PTPRM: variants seen among roughly 807,000 people sequenced by gnomAD.
The protein encoded by PTPRM is protein tyrosine phosphatase receptor type M.
PTPRM carries 47 observed loss-of-function variants against 186.7 expected under a neutral mutation model. The observed-to-expected ratio is 0.25, with a 90% CI of 0.20 to 0.32. The LOEUF (loss-of-function observed/expected upper bound fraction) is 0.32. PTPRM is among the 10% of genes least tolerant of loss of function. The pLI, the probability that PTPRM is intolerant of heterozygous loss-of-function variation, is 1.00. For synonymous variants in PTPRM, 668 were observed against 674.9 expected (o/e 0.99, Z 0.16); for missense variants, 1,494 against 1,865.0 (o/e 0.80, Z 3.66).
intron 14 of PTPRM, among the ~76,000 whole-genome samples, chr18:8,166,892 A>G (rs764220620): frequency 1.4e-4 from 21 of 152,214 alleles, no homozygotes; most frequent in Non-Finnish European, 3.1e-4. Flanking sequence ...AAATAGACCT[A>G]GGCAAAGATA....
chr18:8,353,327 G>A (rs891598484), intron 23 of PTPRM, among the ~76,000 whole-genome samples: 1 of 152,192 alleles, frequency 6.6e-6, no homozygotes, highest in Non-Finnish European at 1.5e-5. Context: ...TTAATGGAAG[G>A]CATTGAGGTA....
chr18:8,169,052 T>C (rs1206024368), intron 14 of PTPRM, among the ~76,000 whole-genome samples: 3 of 152,176 alleles, frequency 2.0e-5, no homozygotes, highest in Non-Finnish European at 4.4e-5. Flanking sequence ...TCTCTATAAA[T>C]ATCTTATCAC....
chr18:8,095,730 G>A (rs1261915100), intron 11 of PTPRM, among the ~76,000 whole-genome samples: 1 of 152,016 alleles, frequency 6.6e-6, no homozygotes, highest in East Asian at 1.9e-4. Context: ...GCCAGATGCT[G>A]ATTTTCATTA....
intron 2 of PTPRM, among the ~76,000 whole-genome samples, chr18:7,793,841 T>A (rs1424154730): frequency 6.6e-6 from 1 of 151,940 alleles, no homozygotes; most frequent in Non-Finnish European, 1.5e-5. Context: ...CCCCGAGACC[T>A]TTGCAGGCAG....
At chr18:7,843,381 AG>A (rs2046444347) in intron 2 of PTPRM, among the ~76,000 whole-genome samples, 1 of 152,198 alleles carries the variant, frequency 6.6e-6, no homozygotes, top group African/African-American at 2.4e-5. Flanking sequence ...TCACTATTAC[AG>A]GGGACCACAG....
rs1335048725 is a variant in PTPRM, at chr18:7,742,590, G to A, written c.74-31559G>A. The stretch of plus-strand genomic sequence containing the variant: ...ACAGTGGTTCACTCTTGTAATCCCA[G>A]CGCTTTGGCAGGCTGAGGTGGGAGG... On this transcript the variant is annotated intron_variant, in intron 1 of 32. Transcript: ENST00000580170. Among the ~76,000 whole-genome samples the A allele has an allele frequency of 2.6e-5, 4 of 152,316 alleles. 1 individual carries two copies. In the South Asian group the frequency reaches 8.3e-4, roughly 32 times the overall value.
At chr18:7,709,893 G>A (rs1293897207) in intron 1 of PTPRM, among the ~76,000 whole-genome samples, 4 of 152,066 alleles carry the variant, frequency 2.6e-5, no homozygotes, top group Non-Finnish European at 4.4e-5. Flanking sequence ...CAAGCAGTGA[G>A]AGTAAATCAG....
At chr18:8,199,643 A>G (rs1348810728) in intron 14 of PTPRM, among the ~76,000 whole-genome samples, 1 of 152,248 alleles carries the variant, frequency 6.6e-6, no homozygotes, top group Non-Finnish European at 1.5e-5. Context: ...TTTAAGTAAT[A>G]CATCACAGGG....
chr18:8,226,548 AG>A (rs1200224182), intron 14 of PTPRM, among the ~76,000 whole-genome samples: 1 of 152,240 alleles, frequency 6.6e-6, no homozygotes, highest in East Asian at 1.9e-4. Context: ...AAGAAAATGT[AG>A]GCCCTTGTTG....
intron 7 of PTPRM, among the ~76,000 whole-genome samples, chr18:8,006,695 G>T (rs990330546): frequency 3.3e-5 from 5 of 152,126 alleles, no homozygotes; most frequent in Non-Finnish European, 2.9e-5. Flanking sequence ...TGGTGTGCTG[G>T]GTCCCTGACA....
chr18:7,625,827 G>A lies in PTPRM; in HGVS notation c.73+57936G>A, dbSNP rs1172986087. ...TGGGATTACAGGCGTGAGCAACAGC[G>A]CCTGGCCAAGGGGGTTTGTTCATCA... On this transcript the variant is annotated intron_variant, in intron 1 of 32. Coordinates refer to ENST00000580170, the MANE Select transcript of PTPRM (RefSeq NM_001105244.2). Among the ~76,000 whole-genome samples the A allele has an allele frequency of 4.6e-5, 7 of 152,318 alleles. No homozygotes were observed. In the South Asian group the frequency reaches 1.5e-3, roughly 32 times the overall value.
chr18:7,941,583 T>C (rs2052178949), intron 5 of PTPRM, among the ~76,000 whole-genome samples: 1 of 152,254 alleles, frequency 6.6e-6, no homozygotes, highest in Non-Finnish European at 1.5e-5. Context: ...GCTCATATAT[T>C]GTCACCTGTT....
chr18:7,820,560 A>G (rs2045130085), intron 2 of PTPRM, among the ~76,000 whole-genome samples: 1 of 152,196 alleles, frequency 6.6e-6, no homozygotes. Context: ...TAATTATGAC[A>G]GACACCCTAG....
At chr18:7,817,627 A>G (rs2044912364) in intron 2 of PTPRM, among the ~76,000 whole-genome samples, 1 of 107,844 alleles carries the variant, frequency 9.3e-6, no homozygotes, top group Non-Finnish European at 2.1e-5. Context: ...CTCTTTTTCT[A>G]TCATATTATT....
Position 8,193,150 on chromosome 18 carries a change from A to G in PTPRM, c.2300+49371A>G, listed in dbSNP as rs2093730815. Among the ~76,000 whole-genome samples the G allele has an allele frequency of 2.0e-5, 3 of 152,152 alleles. No individual in the cohort carries two copies. In the South Asian group the frequency reaches 6.2e-4, roughly 32 times the overall value. On this transcript the variant is annotated intron_variant, in intron 14 of 32. Coordinates refer to ENST00000580170, the MANE Select transcript of PTPRM (RefSeq NM_001105244.2). ...AAATAATATCTAAAACTAAGTTGCA[A>G]ATGGTTAGGGGAAATTCTATGTAAG...
intron 5 of PTPRM, among the ~76,000 whole-genome samples, chr18:7,929,041 T>C (rs1279275724): frequency 1.3e-5 from 2 of 152,218 alleles, no homozygotes; most frequent in South Asian, 2.1e-4. Flanking sequence ...TGGTTTGTTT[T>C]TTTTCACAAA....
intron 19 of PTPRM, 73 bp downstream of exon 19, chr18:8,253,487 C>A: frequency 7.8e-7 from 1 of 1,286,010 alleles, no homozygotes; most frequent in Non-Finnish European, 1.0e-6. Context: ...GCTCCCAACT[C>A]AATCAGAAAG....
intron 10 of PTPRM, among the ~76,000 whole-genome samples, chr18:8,087,730 A>G (rs2090503276): frequency 6.6e-6 from 1 of 152,210 alleles, no homozygotes; most frequent in South Asian, 2.1e-4. Flanking sequence ...AGATCATTCA[A>G]TAAATGGAAC....
At chr18:8,402,099 C>A (rs2095875333) in intron 32 of PTPRM, among the ~76,000 whole-genome samples, 1 of 152,196 alleles carries the variant, frequency 6.6e-6, no homozygotes, top group African/African-American at 2.4e-5. Context: ...TTATACTGTT[C>A]AAAAGGGAGT....
Sources: allele counts gnomAD v4.1 joint callset (sites outside exome capture counted in the v4.1 genomes callset), GRCh38; gene constraint gnomAD v4.1.1; transcripts MANE v1.5; gene names NCBI Gene and HGNC (gene_info 2026-07-23, HGNC 2026-07-21).